Variants in DYM observed in about 807,000 individuals in gnomAD.
DYM encodes dymeclin, also known as dyggve-Melchior-Clausen syndrome protein.
In DYM, 78 loss-of-function variants were observed where a neutral mutation model predicts 93.1. The observed-to-expected ratio is 0.84, with a 90% confidence interval of 0.70 to 1.01. DYM has a LOEUF of 1.01. Ranked by LOEUF, DYM falls within the 50% of genes least tolerant of loss-of-function variation. DYM has a pLI of 0.00. For synonymous variants in DYM, 321 were observed against 319.7 expected (o/e 1.00, Z -0.04); for missense variants, 789 against 845.0 (o/e 0.93, Z 0.82).
intron 4 of DYM, among the ~76,000 whole-genome samples, chr18:49,379,355 T>G (rs1264796535): frequency 6.6e-6 from 1 of 152,088 alleles, no homozygotes; most frequent in African/African-American, 2.4e-5. Context: ...TCATTTAAAC[T>G]AGATAGCAGC....
chr18:49,123,387 AGTTT>A (rs374004400), intron 15 of DYM, among the ~76,000 whole-genome samples: 13 of 152,286 alleles, frequency 8.5e-5, no homozygotes, highest in African/African-American at 3.1e-4. Context: ...TACCAGTATC[AGTTT>A]GTTTCAAGAT....
intron 15 of DYM, among the ~76,000 whole-genome samples, chr18:49,139,579 G>A (rs2084228847): frequency 6.6e-6 from 1 of 152,072 alleles, no homozygotes; most frequent in Admixed American, 6.6e-5. Flanking sequence ...GAATTAACTG[G>A]GAATCTGAGA....
At chr18:49,310,003 A>G (rs2061495662) in intron 8 of DYM, among the ~76,000 whole-genome samples, 1 of 152,218 alleles carries the variant, frequency 6.6e-6, no homozygotes, top group Non-Finnish European at 1.5e-5. Context: ...GTAAAACAGC[A>G]TGGACGCGTG....
rs1300488824 is a variant in DYM, at chr18:49,209,699, A to G, written c.1477T>C (p.Leu493=). ...TCCAACACATAAACATATCTCCGCA[A>G]GTGGCGGCAGGTATAACTGAAAGAC... ...QRIISYTCRH[L]RRYVYVLDKL... Residue 493 remains leucine (L), a synonymous_variant, in exon 14 of 18, where the codon TTG becomes CTG. Transcript: ENST00000675505. The G allele has an allele frequency of 7.8e-7, 1 of 1,281,970 alleles. No individual in the cohort carries two copies. The highest frequency in any genetic ancestry group is 1.0e-6 in the Non-Finnish European group (1 of 984,436). The allele number at this position is 1,281,970 out of a possible 1,614,324, so 79.4% of individuals were successfully genotyped here.
At chr18:49,428,334 C>T (rs2074491168) in intron 2 of DYM, among the ~76,000 whole-genome samples, 1 of 151,950 alleles carries the variant, frequency 6.6e-6, no homozygotes, top group Non-Finnish European at 1.5e-5. Context: ...AAAAGACCAC[C>T]TATTGTTACA....
rs539079699 is a variant in DYM, at chr18:49,038,685, C to A, written c.*5370G>T. 6.6e-6 allele frequency among the ~76,000 whole-genome samples: 1 copy of A among 152,276 alleles called. No homozygotes were observed. Among genetic ancestry groups the A allele is most frequent in the South Asian group, 2.1e-4 (1 of 4,822 alleles). On this transcript the variant is annotated 3_prime_UTR_variant, in exon 18 of 18. Coordinates refer to ENST00000675505, the MANE Select transcript of DYM (RefSeq NM_001353214.3). ...AATATCTTGCTTTCTATTTGTTCCACCTGTTCTGCTTTTTCTTCTTTCTTA... is the reference window on the plus strand; with the variant it reads ...AATATCTTGCTTTCTATTTGTTCCAACTGTTCTGCTTTTTCTTCTTTCTTA...
intron 16 of DYM, among the ~76,000 whole-genome samples, chr18:49,099,135 C>T (rs1057275726): frequency 1.3e-5 from 2 of 152,060 alleles, no homozygotes; most frequent in Non-Finnish European, 2.9e-5. Flanking sequence ...GTTAAAAACA[C>T]ATTCTAAAAA....
chr18:49,056,028 G>A (rs936222846), intron 17 of DYM, among the ~76,000 whole-genome samples: 2 of 152,206 alleles, frequency 1.3e-5, no homozygotes, highest in African/African-American at 2.4e-5. Context: ...CAGCAGCCAC[G>A]TGAGCCTGGC....
At chr18:49,127,919 C>G (rs932411832) in intron 15 of DYM, among the ~76,000 whole-genome samples, 1 of 152,166 alleles carries the variant, frequency 6.6e-6, no homozygotes, top group African/African-American at 2.4e-5. Flanking sequence ...CAGCAGTCAC[C>G]GCACCACTGG....
intron 8 of DYM, among the ~76,000 whole-genome samples, chr18:49,319,616 T>A (rs1181546927): frequency 1.3e-5 from 2 of 152,208 alleles, no homozygotes; most frequent in African/African-American, 2.4e-5. Flanking sequence ...GTTATTTAAA[T>A]GTGACAAAAG....
chr18:49,396,761 G>A (rs777196203), intron 2 of DYM, among the ~76,000 whole-genome samples: 21 of 152,184 alleles, frequency 1.4e-4, no homozygotes, highest in Middle Eastern at 3.4e-3. Context: ...ATGAAATCCC[G>A]TCATTTGCGG....
intron 13 of DYM, among the ~76,000 whole-genome samples, chr18:49,255,375 CTTTAA>C (rs913135883): frequency 3.3e-5 from 5 of 152,064 alleles, no homozygotes; most frequent in African/African-American, 1.2e-4. Flanking sequence ...GAAACCCTGT[CTTTAA>C]AAAAACAAGA....
At chr18:49,117,727 C>T (rs1196051387) in intron 16 of DYM, among the ~76,000 whole-genome samples, 1 of 152,142 alleles carries the variant, frequency 6.6e-6, no homozygotes, top group Non-Finnish European at 1.5e-5. Context: ...CTGCTACCTG[C>T]CACACCCACT....
intron 15 of DYM, among the ~76,000 whole-genome samples, chr18:49,134,891 A>G (rs1199561027): frequency 3.3e-5 from 5 of 152,060 alleles, no homozygotes; most frequent in Admixed American, 1.3e-4. Context: ...TGGATCACCT[A>G]AGGTCAGGAG....
chr18:49,252,754 G>GGAGGGACATGAGAGACAAT (rs2094316956), intron 13 of DYM, among the ~76,000 whole-genome samples: 1 of 152,176 alleles, frequency 6.6e-6, no homozygotes, highest in South Asian at 2.1e-4. Context: ...AACAGCCAGT[G>GGAGGGACATGAGAGACAAT]GAGGGACATG....
intron 17 of DYM, among the ~76,000 whole-genome samples, chr18:49,092,950 T>C (rs943128019): frequency 6.6e-6 from 1 of 152,170 alleles, no homozygotes; most frequent in Non-Finnish European, 1.5e-5. Flanking sequence ...TGTTCTGCAC[T>C]AATGCTGTGC....
chr18:49,129,376 A>ATAAATCT (rs1324141177), intron 15 of DYM, among the ~76,000 whole-genome samples: 12 of 152,334 alleles, frequency 7.9e-5, no homozygotes, highest in Non-Finnish European at 1.6e-4. Context: ...AGGTAACTTA[A>ATAAATCT]TAAATCTTAA....
chr18:49,222,814 CTA>C (rs1306355832), intron 13 of DYM, among the ~76,000 whole-genome samples: 1 of 152,142 alleles, frequency 6.6e-6, no homozygotes, highest in Non-Finnish European at 1.5e-5. Context: ...CAGAAAAACT[CTA>C]TGTCACAAAT....
intron 14 of DYM, among the ~76,000 whole-genome samples, chr18:49,170,540 G>C (rs1170569779): frequency 1.3e-5 from 2 of 152,060 alleles, no homozygotes; most frequent in African/African-American, 4.8e-5. Flanking sequence ...CCAGCGCTTT[G>C]GGAGGCTGAG....
Sources: gnomAD v4.1 joint callset for allele counts (sites outside exome capture counted in the v4.1 genomes callset) on GRCh38, gnomAD v4.1.1 for gene constraint, MANE v1.5 for transcripts, NCBI Gene and HGNC (gene_info 2026-07-23, HGNC 2026-07-21) for gene names.